TRIM37: variants seen among roughly 807,000 people sequenced by gnomAD.
TRIM37 encodes the protein tripartite motif containing 37.
A neutral mutation model predicts 129.8 loss-of-function variants in TRIM37; 80 were observed. The ratio of observed to expected loss-of-function variants is 0.62; its 90% CI spans 0.51 to 0.74. The LOEUF is 0.74. TRIM37 is among the 30% of genes least tolerant of loss of function. TRIM37 has a pLI of 0.00. For synonymous variants in TRIM37, 389 were observed against 387.1 expected, an observed-to-expected ratio of 1.00 and a Z score of -0.06; for missense variants, 1,054 against 1,176.5, an observed-to-expected ratio of 0.90 and a Z score of 1.52.
intron 22 of TRIM37, among the ~76,000 whole-genome samples, chr17:59,010,425 T>C (rs1458525904): frequency 1.3e-5 from 2 of 152,198 alleles, no homozygotes; most frequent in East Asian, 3.8e-4. Flanking sequence ...AGGAATTTTA[T>C]CACTGGCATC....
At chr17:59,028,826 GC>G in intron 18 of TRIM37, 103 bp from the exon 19 acceptor site, 1 of 1,176,826 alleles carries the variant, frequency 8.5e-7, no homozygotes, top group Non-Finnish European at 1.2e-6. Context: ...AAGCTAGCGT[GC>G]TTTACGTGGT....
chr17:59,056,734 AAAAAAAAAAAAAAG>A, intron 13 of TRIM37, 127 bp downstream of exon 13: 1 of 424,628 alleles, frequency 2.4e-6, no homozygotes, highest in South Asian at 3.6e-5. Context: ...AAAAAAAAAA[AAAAAAAAAAAAAAG>A]GTGATAAGGT....
intron 3 of TRIM37, among the ~76,000 whole-genome samples, chr17:59,090,772 C>A (rs575470205): frequency 6.6e-6 from 1 of 151,886 alleles, no homozygotes; most frequent in Non-Finnish European, 1.5e-5. Context: ...ACTATAGTCG[C>A]GCGCCACCAC....
intron 17 of TRIM37, among the ~76,000 whole-genome samples, chr17:59,040,727 G>C (rs1031469321): frequency 6.6e-6 from 1 of 152,252 alleles, no homozygotes; most frequent in Middle Eastern, 3.4e-3. Context: ...TAGTATTTAA[G>C]AAATCTTTAG....
intron 2 of TRIM37, among the ~76,000 whole-genome samples, chr17:59,097,651 T>C (rs969043990): frequency 1.3e-5 from 2 of 152,118 alleles, no homozygotes; most frequent in African/African-American, 4.8e-5. Flanking sequence ...AGAGGGTCTC[T>C]TGAACCCAGG....
chr17:59,003,801 A>T (rs2034101729), intron 22 of TRIM37, among the ~76,000 whole-genome samples: 2 of 151,920 alleles, frequency 1.3e-5, no homozygotes, highest in African/African-American at 4.8e-5. Context: ...TAAAATGCTC[A>T]TCAGCCAGGC....
intron 8 of TRIM37, among the ~76,000 whole-genome samples, chr17:59,074,554 A>C (rs1288606551): frequency 2.0e-5 from 3 of 152,252 alleles, no homozygotes; most frequent in African/African-American, 7.2e-5. Flanking sequence ...GCAGTCAAGA[A>C]AAATGTGTTC....
rs1251127914 is a variant in TRIM37 at position 59,042,442 on chromosome 17, AAAAAAAAATAT to A, written c.1668-555_1668-545del. Among the ~76,000 whole-genome samples, 8 of 47,324 alleles carry A rather than the reference AAAAAAAAATAT, an allele frequency of 1.7e-4. No homozygotes were observed. In the East Asian group the frequency reaches 8.4e-3, roughly 50 times the overall value. 31.0% of individuals were successfully genotyped at this position (47,324 alleles called of 152,430 possible). ...GAAAAAAAGGAATTTAAAAAAAAAA[AAAAAAAAATAT>A]ATATATATATATATATATATATCTC... On this transcript the variant is annotated intron_variant, in intron 16 of 23. Transcript: ENST00000262294.
At position 59,049,201 on chromosome 17, in the gene TRIM37, TCTC is replaced by T. The variant is rs775980753; in HGVS notation, c.1504_1506del (p.Glu502del). ...ACATGATAATCTTCATTCTGAATCTTCTCCTCATCTTCTTCATCCTCTTTGGCC... is the reference window on the plus strand; with the variant it reads ...ACATGATAATCTTCATTCTGAATCTTCTCATCTTCTTCATCCTCTTTGGCC... On this transcript the variant is annotated inframe_deletion, in exon 15 of 24. Transcript: ENST00000262294. 1.2e-5 allele frequency: 20 copies of T among 1,614,140 alleles called. No homozygotes were observed. The highest frequency in any genetic ancestry group is 1.1e-4 in the East Asian group (5 of 44,880).
At chr17:59,024,469 G>A (rs1598964647) in intron 19 of TRIM37, among the ~76,000 whole-genome samples, 2 of 152,134 alleles carry the variant, frequency 1.3e-5, no homozygotes, top group Non-Finnish European at 2.9e-5. Context: ...AATAAATGGA[G>A]AGAAGTACCA....
chr17:59,104,426 G>C, intron 1 of TRIM37, 32 bp from the exon 2 acceptor site: 1 of 1,588,548 alleles, frequency 6.3e-7, no homozygotes, highest in Non-Finnish European at 8.6e-7. Flanking sequence ...AGGTCCACCA[G>C]TTTAGGCTAC....
intron 2 of TRIM37, among the ~76,000 whole-genome samples, chr17:59,103,964 G>A (rs1310199054): frequency 6.6e-6 from 1 of 152,102 alleles, no homozygotes; most frequent in African/African-American, 2.4e-5. Context: ...AGAGTGTCTT[G>A]TAATTGTAAG....
intron 24 of TRIM37, among the ~76,000 whole-genome samples, chr17:58,986,697 C>G (rs926424584): frequency 3.3e-5 from 5 of 151,126 alleles, no homozygotes; most frequent in Non-Finnish European, 7.4e-5. Flanking sequence ...TTAGTAGAGA[C>G]GGGGTTTTGC....
intron 2 of TRIM37, 56 bp downstream of exon 2, chr17:59,104,237 A>T: frequency 6.7e-7 from 1 of 1,501,932 alleles, no homozygotes; most frequent in Non-Finnish European, 9.2e-7. Context: ...GAAATGGTTA[A>T]TCCTTACAAT....
intron 8 of TRIM37, among the ~76,000 whole-genome samples, chr17:59,072,708 A>C (rs1215906744): frequency 6.6e-6 from 1 of 151,692 alleles, no homozygotes; most frequent in Non-Finnish European, 1.5e-5. Context: ...AGATCACGCC[A>C]CTGCACTCCA....
downstream of TRIM37, chr17:58,979,963 G>A: frequency 1.2e-6 from 2 of 1,603,346 alleles, no homozygotes; most frequent in Non-Finnish European, 1.7e-6. Context: ...CCTACACTCT[G>A]CTTCCCGCAG....
the TRIM37 span, among the ~76,000 whole-genome samples, chr17:58,973,414 CA>C: frequency 0.44 from 51,826 of 117,636 alleles, 8,932 homozygotes; most frequent in Middle Eastern, 0.6. Flanking sequence ...GAGACTGTCT[CA>C]AAAAAAAAAA....
intron 18 of TRIM37, 105 bp from the exon 19 acceptor site, chr17:59,028,828 T>C (rs1327586583): frequency 1.7e-6 from 2 of 1,176,030 alleles, no homozygotes; most frequent in African/African-American, 1.5e-5. Flanking sequence ...GCTAGCGTGC[T>C]TTACGTGGTA....
intron 18 of TRIM37, among the ~76,000 whole-genome samples, chr17:59,031,146 C>A (rs529984933): frequency 6.6e-6 from 1 of 152,230 alleles, no homozygotes; most frequent in South Asian, 2.1e-4. Context: ...CTGCCTTGGA[C>A]TTTGATTGAA....
Sources: allele counts gnomAD v4.1 joint callset (sites outside exome capture counted in the v4.1 genomes callset), GRCh38; gene constraint gnomAD v4.1.1; transcripts MANE v1.5; gene names NCBI Gene and HGNC (gene_info 2026-07-23, HGNC 2026-07-21).